The following PLCB2 variants were observed in gnomAD, a reference collection of about 807,000 sequenced individuals.
PLCB2 encodes the protein phospholipase C beta 2, also known as 1-phosphatidylinositol 4,5-bisphosphate phosphodiesterase beta-2.
In PLCB2, 115 loss-of-function variants were observed where a neutral mutation model predicts 141.7. The observed-to-expected ratio is 0.81, with a 90% confidence interval of 0.70 to 0.95. The LOEUF is 0.95. PLCB2 is among the 40% of genes least tolerant of loss of function. PLCB2 has a pLI of 0.00. For missense variants in PLCB2, 1,403 were observed against 1,541.1 expected (o/e 0.91, Z 1.50); for synonymous variants, 603 against 595.6 (o/e 1.01, Z -0.18).
rs747974236 is a variant in PLCB2 at position 40,292,989 on chromosome 15, C to T, written c.2263G>A (p.Val755Met). 3 of 1,607,342 alleles carry T rather than the reference C, an allele frequency of 1.9e-6. No individual in the cohort carries two copies. In the South Asian group the frequency reaches 3.3e-5, roughly 18 times the overall value. Residue 755 changes from valine (V) to methionine (M), a missense_variant, in exon 21 of 32, where the codon GTG becomes ATG. Val to Met is a conservative substitution (Grantham distance 21, BLOSUM62 1). Coordinates refer to ENST00000260402, the MANE Select transcript of PLCB2 (RefSeq NM_004573.3). ...MPELASLRVA[V>M]MEEGNKFLGH... Reference sequence around the variant, plus strand: ...AGAAACTTGTTGCCTTCCTCCATCACAGCCACTCTGAGGGAGGCCAGCTCA... The same window carrying T: ...AGAAACTTGTTGCCTTCCTCCATCATAGCCACTCTGAGGGAGGCCAGCTCA...
rs779845000 is a variant in PLCB2, at chr15:40,297,894, A to T, written c.1221T>A (p.Phe407Leu). Residue 407 changes from phenylalanine to leucine, a missense_variant, in exon 12 of 32, where the codon TTT becomes TTA. By Grantham distance (22) the Phe-to-Leu change is conservative. Coordinates refer to ENST00000260402, the MANE Select transcript of PLCB2 (RefSeq NM_004573.3). This position sits in a 1 kb window ranked among gnomAD's most constrained non-coding sequence, Gnocchi z 4.2. ...ATACGCACGAGTCCACATGGTTCTC[A>T]AACGACAGGATGATGGGATAGGGGG... The part of the protein sequence containing the change: ...KTSPYPIILS[F>L]ENHVDSPRQQ... The T allele has an allele frequency of 3.1e-6, 5 of 1,613,664 alleles. No individual in the cohort carries two copies. Among genetic ancestry groups the T allele is most frequent in the Non-Finnish European group, 4.2e-6 (5 of 1,179,590 alleles).
rs755441039 is a variant in PLCB2, at chr15:40,291,188, G to C, written c.2871-5C>G. 6.4e-7 allele frequency: 1 copy of C among 1,571,828 alleles called. No homozygotes were observed. Among genetic ancestry groups the C allele is most frequent in the African/African-American group, 1.3e-5 (1 of 74,520 alleles). On this transcript the variant is annotated splice_region_variant and splice_polypyrimidine_tract_variant and intron_variant, in intron 26 of 31. Transcript: ENST00000260402. The stretch of plus-strand genomic sequence containing the variant: ...CTCTCCTCGCGGGGCAGGCTCCTGG[G>C]GAGGCCACGTGGGGACAGGCCCTGA...
In PLCB2 at chr15:40,293,703, A is replaced by T; in HGVS notation, c.2083T>A (p.Ser695Thr). 2 of 1,613,120 alleles carry T rather than the reference A, an allele frequency of 1.2e-6. No individual in the cohort carries two copies. Among genetic ancestry groups the T allele is most frequent in the South Asian group, 1.1e-5 (1 of 91,056 alleles). The change falls in exon 20 of 32, where the codon TCA becomes ACA. Residue 695 changes from serine (S) to threonine (T), a missense_variant. Coordinates refer to ENST00000260402, the MANE Select transcript of PLCB2 (RefSeq NM_004573.3). ...SITVISGQFL[S>T]ERSVRTYVEV... ...ACATAGGTGCGCACGCTGCGTTCTG[A>T]CAGGAACTGCCCAGAGATCACCTGG...
chr15:40,294,909 T>C (rs996889551), intron 18 of PLCB2, 27 bp downstream of exon 18: 2 of 1,613,618 alleles, frequency 1.2e-6, no homozygotes, highest in African/African-American at 2.7e-5. Flanking sequence ...CAGGGAAGGA[T>C]TCTTAGGGGC....
At chr15:40,292,275 T>C (rs1329577483) in intron 22 of PLCB2, 64 bp downstream of exon 22, 2 of 1,514,386 alleles carry the variant, frequency 1.3e-6, no homozygotes, top group African/African-American at 1.4e-5. Flanking sequence ...CTCTGGAAGC[T>C]GGCTTGATGG....
chr15:40,285,772 C>T (rs1809056403), downstream of PLCB2: 2 of 985,444 alleles, frequency 2.0e-6, no homozygotes, highest in South Asian at 4.7e-5. Flanking sequence ...GTGTGTGGCC[C>T]ACCAGCCTGA....
At position 40,294,916 on chromosome 15, in the gene PLCB2, G is replaced by T. The variant is rs1351113581; in HGVS notation, c.1906+20C>A. 6.2e-7 allele frequency: 1 copy of T among 1,613,966 alleles called. No homozygotes were observed. Among genetic ancestry groups the T allele is most frequent in the Admixed American group, 1.7e-5 (1 of 60,014 alleles). Reference sequence around the variant, plus strand: ...GCAGGGACCAGGGAAGGATTCTTAGGGGCCTGGGAATGCCCTCACCCATCG... The same window carrying T: ...GCAGGGACCAGGGAAGGATTCTTAGTGGCCTGGGAATGCCCTCACCCATCG... On this transcript the variant is annotated intron_variant, in intron 18 of 31. Coordinates refer to ENST00000260402, the MANE Select transcript of PLCB2 (RefSeq NM_004573.3).
intron 1 of PLCB2, among the ~76,000 whole-genome samples, chr15:40,307,050 C>T (rs1019327650): frequency 6.6e-6 from 1 of 152,230 alleles, no homozygotes; most frequent in African/African-American, 2.4e-5. Context: ...GTCAAATCAG[C>T]TCCTTCCCTG....
At chr15:40,293,307 G>A (rs536736174) in intron 20 of PLCB2, among the ~76,000 whole-genome samples, 4 of 152,274 alleles carry the variant, frequency 2.6e-5, no homozygotes, top group African/African-American at 7.2e-5. Flanking sequence ...GTATCCAGTG[G>A]GGCAAAAGAC....
At chr15:40,294,441 A>G (rs2040096965) in intron 18 of PLCB2, 21 bp from the exon 19 acceptor site, 2 of 1,613,660 alleles carry the variant, frequency 1.2e-6, no homozygotes, top group Non-Finnish European at 1.7e-6. Flanking sequence ...AAGGACACTC[A>G]GTGAGGAAGG....
At chr15:40,296,959 C>G (rs1302836706) in intron 13 of PLCB2, 51 bp from the exon 14 acceptor site, 1 of 1,592,586 alleles carries the variant, frequency 6.3e-7, no homozygotes, top group Admixed American at 1.8e-5. Context: ...CATGGCATAG[C>G]CTGAGCTCCT....
chr15:40,299,317 G>T (rs2040396444), intron 7 of PLCB2, 89 bp from the exon 8 acceptor site: 2 of 838,260 alleles, frequency 2.4e-6, no homozygotes, highest in East Asian at 4.9e-5. Context: ...AAGGGGACCT[G>T]GTCAGAAGGC....
intron 27 of PLCB2, 82 bp from the exon 28 acceptor site, chr15:40,290,919 G>A: frequency 2.1e-6 from 3 of 1,396,496 alleles, no homozygotes; most frequent in Non-Finnish European, 2.9e-6. Context: ...GTGGAGGGGA[G>A]TCGGTGAGGG....
intron 30 of PLCB2, among the ~76,000 whole-genome samples, chr15:40,289,798 G>C (rs1280959476): frequency 6.6e-6 from 1 of 152,106 alleles, no homozygotes; most frequent in East Asian, 1.9e-4. Context: ...CTTCAGGCTG[G>C]TACCCCAACC....
chr15:40,299,464 C>A (rs113641285), intron 7 of PLCB2, among the ~76,000 whole-genome samples: 1 of 152,138 alleles, frequency 6.6e-6, no homozygotes, highest in African/African-American at 2.4e-5. Context: ...TTGGCTGGGG[C>A]AGGATCGGAA....
intron 2 of PLCB2, among the ~76,000 whole-genome samples, chr15:40,303,685 C>T (rs1211217190): frequency 6.6e-6 from 1 of 152,202 alleles, no homozygotes; most frequent in Non-Finnish European, 1.5e-5. Context: ...TGGGGCCTAT[C>T]TCTCATCTCC....
intron 31 of PLCB2, 90 bp from the exon 32 acceptor site, chr15:40,289,008 T>A: frequency 6.5e-7 from 1 of 1,530,186 alleles, no homozygotes; most frequent in Non-Finnish European, 8.7e-7. Flanking sequence ...AGATGCCCAA[T>A]ATCCATGTTC....
At chr15:40,303,414 C>T (rs2040627933) in intron 2 of PLCB2, 58 bp from the exon 3 acceptor site, 1 of 1,307,164 alleles carries the variant, frequency 7.7e-7, no homozygotes, top group Non-Finnish European at 1.1e-6. Context: ...ACAAAAAGTC[C>T]AGGTCAAGAA....
intron 29 of PLCB2, 108 bp downstream of exon 29, chr15:40,290,469 A>AG (rs942126495): frequency 1.4e-5 from 12 of 833,840 alleles, no homozygotes; most frequent in Non-Finnish European, 2.2e-5. Flanking sequence ...TTGGAGAGCC[A>AG]GGGGACAGAT....
Sources: allele counts gnomAD v4.1 joint callset (sites outside exome capture counted in the v4.1 genomes callset), GRCh38; gene constraint gnomAD v4.1.1; non-coding constraint Gnocchi (gnomAD v3.1); transcripts MANE v1.5; gene names NCBI Gene and HGNC (gene_info 2026-07-23, HGNC 2026-07-21).